COL4A4: variants seen among roughly 807,000 people sequenced by gnomAD.
The protein encoded by COL4A4 is collagen alpha-4(IV) chain.
Under a neutral mutation model 192.9 loss-of-function variants are expected in COL4A4, and 105 were observed. The ratio of observed to expected loss-of-function variants is 0.54; its 90% CI spans 0.46 to 0.64. The LOEUF (loss-of-function observed/expected upper bound fraction) is 0.64, where lower values mean the gene tolerates loss of function less well. Ranked by LOEUF, COL4A4 falls within the 30% of genes least tolerant of loss-of-function variation. The probability of loss-of-function intolerance (pLI) is 0.00; values close to 1 mark genes in which losing one functional copy is unlikely to be tolerated. For synonymous variants in COL4A4, 762 were observed against 769.9 expected, an observed-to-expected ratio of 0.99 and a Z score of 0.17; for missense variants, 1,967 against 2,169.3, an observed-to-expected ratio of 0.91 and a Z score of 1.85.
At chr2:227,044,792 A>G (rs910337600) in intron 35 of COL4A4, among the ~76,000 whole-genome samples, 11 of 152,180 alleles carry the variant, frequency 7.2e-5, no homozygotes, top group Non-Finnish European at 1.0e-4. Context: ...CATGATGCTC[A>G]TTCAAGTTCA....
chr2:227,081,292 T>G (rs1220184136), intron 23 of COL4A4, among the ~76,000 whole-genome samples: 4 of 152,208 alleles, frequency 2.6e-5, no homozygotes, highest in Non-Finnish European at 5.9e-5. Flanking sequence ...CCAGCACAGC[T>G]GGAACAAAGC....
chr2:227,108,617 AT>A lies in COL4A4; in HGVS notation c.698del (p.Asn233IlefsTer6). On this transcript the variant is annotated frameshift_variant, in exon 12 of 48. Coordinates refer to ENST00000396625, the MANE Select transcript of COL4A4 (RefSeq NM_000092.5). LOFTEE classifies it high-confidence loss of function. ...TTTGCCCCTTTACTCCCACACCGGG[AT>A]TTCCCTGAGAAAGAAATGAAAAAGA... ...GQPGRPGLKG[N>X]PGVGVKGQMG... 1 of 1,614,072 alleles carries A rather than the reference AT, an allele frequency of 6.2e-7. No individual in the cohort carries two copies. Among genetic ancestry groups the A allele is most frequent in the Non-Finnish European group, 8.5e-7 (1 of 1,179,950 alleles).
rs1961779000 is a variant in COL4A4 at position 227,004,982 on chromosome 2, C to T, written c.*2343G>A. On this transcript the variant is annotated 3_prime_UTR_variant, in exon 48 of 48. Transcript: ENST00000396625. ...TAATTGAAGGCACATTGATATATAA[C>T]CAGGTGAAGAAAATAATGGTTTAAG... The T allele has an allele frequency of 1.3e-5, 2 of 152,176 alleles. No homozygotes were observed. 9.4% of individuals were successfully genotyped at this position (152,176 alleles called of 1,614,324 possible).
chr2:227,133,880 C>T (rs987934373), intron 4 of COL4A4, among the ~76,000 whole-genome samples: 5 of 140,750 alleles, frequency 3.6e-5, no homozygotes, highest in Non-Finnish European at 7.8e-5. Context: ...GAGAGAGACT[C>T]CATCTCAAAA....
the COL4A4 span, among the ~76,000 whole-genome samples, chr2:226,970,947 G>A: frequency 1.3e-5 from 2 of 152,204 alleles, no homozygotes; most frequent in South Asian, 4.2e-4. Context: ...TAAAACATAC[G>A]CAATCTCCTA....
At chr2:226,993,934 A>C in the COL4A4 span, among the ~76,000 whole-genome samples, 13 of 152,320 alleles carry the variant, frequency 8.5e-5, no homozygotes, top group South Asian at 2.5e-3. Context: ...GGCAATGAGC[A>C]AGAGGGATCC....
the COL4A4 span, among the ~76,000 whole-genome samples, chr2:226,980,984 C>T: frequency 6.6e-6 from 1 of 152,146 alleles, no homozygotes; most frequent in Non-Finnish European, 1.5e-5. Flanking sequence ...AATTCTAGTT[C>T]AGTTTGAGAC....
At chr2:226,985,226 A>G in the COL4A4 span, among the ~76,000 whole-genome samples, 1 of 152,318 alleles carries the variant, frequency 6.6e-6, no homozygotes, top group East Asian at 1.9e-4. Context: ...GAACTGGTTA[A>G]ACTATCTACA....
chr2:226,993,080 G>C, the COL4A4 span, among the ~76,000 whole-genome samples: 1 of 152,226 alleles, frequency 6.6e-6, no homozygotes, highest in African/African-American at 2.4e-5. Flanking sequence ...CCCTGCAAAT[G>C]GGTCCAAGGC....
At chr2:227,095,487 T>C (rs917026148) in intron 19 of COL4A4, among the ~76,000 whole-genome samples, 8 of 152,210 alleles carry the variant, frequency 5.3e-5, no homozygotes, top group Non-Finnish European at 8.8e-5. Flanking sequence ...CAAGAGCACA[T>C]GCTCAGTGAA....
At chr2:226,976,546 C>T in the COL4A4 span, among the ~76,000 whole-genome samples, 2 of 152,082 alleles carry the variant, frequency 1.3e-5, no homozygotes, top group South Asian at 2.1e-4. Context: ...GACTCACCAC[C>T]GTATACTGAT....
chr2:227,027,823 A>G (rs2149923112), intron 42 of COL4A4, 79 bp downstream of exon 42: 1 of 1,026,230 alleles, frequency 9.7e-7, no homozygotes, highest in South Asian at 1.3e-5. Context: ...CTAGTAATTC[A>G]GAATATTAAC....
chr2:227,008,589 G>A (rs923447152), intron 46 of COL4A4, among the ~76,000 whole-genome samples: 64 of 152,328 alleles, frequency 4.2e-4, no homozygotes, highest in Admixed American at 3.1e-3. Flanking sequence ...CAGGGAACTG[G>A]ATGAGCAAAC....
intron 25 of COL4A4, among the ~76,000 whole-genome samples, chr2:227,067,640 G>A (rs2058431698): frequency 6.6e-6 from 1 of 152,094 alleles, no homozygotes; most frequent in South Asian, 2.1e-4. Context: ...CGAAATGAAG[G>A]CAGAGATAAA....
intron 14 of COL4A4, 32 bp from the exon 15 acceptor site, chr2:227,102,880 AAGC>A (rs1576519355): frequency 6.5e-7 from 1 of 1,531,930 alleles, no homozygotes; most frequent in East Asian, 2.3e-5. Context: ...AGAGGGGTTC[AAGC>A]AACAATATTT....
intron 25 of COL4A4, among the ~76,000 whole-genome samples, chr2:227,073,914 G>T (rs1353199716): frequency 6.6e-6 from 1 of 152,022 alleles, no homozygotes; most frequent in East Asian, 1.9e-4. Context: ...ATGGTTCAAA[G>T]ACTTAAATAT....
chr2:227,071,074 T>C (rs2058694442), intron 25 of COL4A4, among the ~76,000 whole-genome samples: 1 of 152,100 alleles, frequency 6.6e-6, no homozygotes, highest in South Asian at 2.1e-4. Context: ...AATATTCATG[T>C]TGAGTGTAAA....
intron 4 of COL4A4, among the ~76,000 whole-genome samples, chr2:227,124,198 A>T (rs1267529362): frequency 6.6e-6 from 1 of 152,222 alleles, no homozygotes. Flanking sequence ...TTTCTAGGAC[A>T]TAAAAGAAAC....
intron 31 of COL4A4, among the ~76,000 whole-genome samples, chr2:227,053,740 G>T (rs1222892269): frequency 6.6e-6 from 1 of 151,286 alleles, no homozygotes; most frequent in Non-Finnish European, 1.5e-5. Context: ...GTAGAGACAG[G>T]GTTTCGCCGT....
Sources: allele counts gnomAD v4.1 joint callset (sites outside exome capture counted in the v4.1 genomes callset), GRCh38; gene constraint gnomAD v4.1.1; transcripts MANE v1.5; gene names NCBI Gene and HGNC (gene_info 2026-07-23, HGNC 2026-07-21).